DCC: variants seen among roughly 807,000 people sequenced by gnomAD.
The protein encoded by DCC is DCC netrin 1 receptor, also known as netrin receptor DCC.
DCC carries 58 observed loss-of-function variants against 172.5 expected under a neutral mutation model. The ratio of observed to expected loss-of-function variants is 0.34; its 90% CI spans 0.27 to 0.42. DCC has a LOEUF of 0.42. DCC is among the 10% of genes least tolerant of loss of function. The probability of loss-of-function intolerance (pLI) is 1.00; values close to 1 mark genes in which losing one functional copy is unlikely to be tolerated. For synonymous variants in DCC, 709 were observed against 644.5 expected, an observed-to-expected ratio of 1.10 and a Z score of -1.52; for missense variants, 1,740 against 1,791.0, an observed-to-expected ratio of 0.97 and a Z score of 0.51.
chr18:53,345,756 G>A (rs1470360936), intron 15 of DCC, among the ~76,000 whole-genome samples: 1 of 139,614 alleles, frequency 7.2e-6, no homozygotes, highest in African/African-American at 2.4e-5. Flanking sequence ...ATTCCGCATT[G>A]ACAGATTTTT....
chr18:53,247,299 C>A (rs115673613), intron 12 of DCC, among the ~76,000 whole-genome samples: 1 of 151,928 alleles, frequency 6.6e-6, no homozygotes, highest in Non-Finnish European at 1.5e-5. Flanking sequence ...AGAAATATGA[C>A]CCCCTTGAGT....
intron 7 of DCC, among the ~76,000 whole-genome samples, chr18:53,082,976 CT>C (rs2042827654): frequency 7.2e-5 from 11 of 152,012 alleles, no homozygotes; most frequent in Admixed American, 7.2e-4. Context: ...CACTGGCCCA[CT>C]TTGTTCTTCA....
At chr18:53,005,543 G>A (rs774085006) in intron 5 of DCC, among the ~76,000 whole-genome samples, 1 of 152,120 alleles carries the variant, frequency 6.6e-6, no homozygotes, top group African/African-American at 2.4e-5. Context: ...GGCCAGCCTG[G>A]CCAACATGAC....
chr18:53,487,136 A>G (rs1214653654), intron 26 of DCC, among the ~76,000 whole-genome samples, 178 bp downstream of exon 26: 1 of 152,154 alleles, frequency 6.6e-6, no homozygotes, highest in Non-Finnish European at 1.5e-5. Flanking sequence ...ATTTGTACTG[A>G]TTCCCTAGGC....
chr18:53,089,320 A>G (rs1031874049), intron 7 of DCC, among the ~76,000 whole-genome samples: 1 of 152,086 alleles, frequency 6.6e-6, no homozygotes, highest in Non-Finnish European at 1.5e-5. Context: ...TCCTGACCTC[A>G]AATGATCTTC....
chr18:52,972,123 C>T (rs1433304552), intron 5 of DCC, among the ~76,000 whole-genome samples: 1 of 152,168 alleles, frequency 6.6e-6, no homozygotes, highest in East Asian at 1.9e-4. Context: ...AAACAAATCA[C>T]CTCCACTGGT....
At chr18:52,520,560 C>T (rs956310277) in intron 1 of DCC, among the ~76,000 whole-genome samples, 1 of 152,082 alleles carries the variant, frequency 6.6e-6, no homozygotes, top group Non-Finnish European at 1.5e-5. Context: ...TGCGGGGAGG[C>T]CTTGCTTTAT....
chr18:53,100,871 G>A (rs1392897524), intron 7 of DCC, among the ~76,000 whole-genome samples: 3 of 151,932 alleles, frequency 2.0e-5, no homozygotes, highest in Non-Finnish European at 2.9e-5. Flanking sequence ...ATAGAGAGAG[G>A]GCTACCATCC....
chr18:52,949,509 G>A (rs1166344098), intron 5 of DCC, among the ~76,000 whole-genome samples: 2 of 152,150 alleles, frequency 1.3e-5, no homozygotes. Flanking sequence ...TCCATTATTT[G>A]TTCAGTTCTA....
In DCC at chr18:52,763,373, G is replaced by A. The variant is rs77591263; in HGVS notation, c.412+10999G>A. On this transcript the variant is annotated intron_variant, in intron 2 of 28. Transcript: ENST00000442544. ...AATTCATCTCCAAAGGCTGAAACAT[G>A]ACATAAAAAATAATTAGTATTTCTT... is the stretch of plus-strand genomic sequence containing the variant. 2.0e-3 allele frequency among the ~76,000 whole-genome samples: 307 copies of A among 152,288 alleles called. 1 individual carries two copies. Among genetic ancestry groups the A allele is most frequent in the African/African-American group, 7.0e-3 (292 of 41,556 alleles).
chr18:53,096,051 T>C (rs777410871), intron 7 of DCC, among the ~76,000 whole-genome samples: 20 of 152,112 alleles, frequency 1.3e-4, no homozygotes, highest in Non-Finnish European at 2.2e-4. Context: ...ATATACCTAA[T>C]GCTAAATGAC....
intron 2 of DCC, among the ~76,000 whole-genome samples, chr18:52,811,075 G>T (rs2038188833): frequency 6.6e-6 from 1 of 152,024 alleles, no homozygotes; most frequent in Admixed American, 6.5e-5. Flanking sequence ...GTGGGAAATT[G>T]AACAATTCAA....
At chr18:52,981,250 A>T (rs2041204080) in intron 5 of DCC, among the ~76,000 whole-genome samples, 1 of 152,172 alleles carries the variant, frequency 6.6e-6, no homozygotes, top group Non-Finnish European at 1.5e-5. Flanking sequence ...TTGTGGACCT[A>T]TGAGTTTATA....
At chr18:53,044,980 A>C (rs1344127611) in intron 5 of DCC, among the ~76,000 whole-genome samples, 1 of 151,878 alleles carries the variant, frequency 6.6e-6, no homozygotes, top group Non-Finnish European at 1.5e-5. Flanking sequence ...TATGTTTGAC[A>C]TATGAACAGA....
In DCC at chr18:53,323,262, C is replaced by G. The variant is rs574286965; in HGVS notation, c.2164+1105C>G. On this transcript the variant is annotated intron_variant, in intron 14 of 28. Transcript: ENST00000442544. ...ACTCCTCCATCTCATTCTCTTTCTC[C>G]TTTGTCTTCCTCTTTTTCTCTTTTT... Among the ~76,000 whole-genome samples, 40 of 152,162 alleles carry G rather than the reference C, an allele frequency of 2.6e-4. No individual in the cohort carries two copies. In the South Asian group the frequency reaches 8.3e-3, roughly 32 times the overall value.
At chr18:53,215,656 C>T in intron 12 of DCC, 59 bp downstream of exon 12, 2 of 1,342,406 alleles carry the variant, frequency 1.5e-6, no homozygotes, top group East Asian at 4.6e-5. Flanking sequence ...TCATGTATAA[C>T]CTTCACTCAC....
chr18:52,943,703 T>C (rs142772638), intron 5 of DCC, among the ~76,000 whole-genome samples: 8 of 151,404 alleles, frequency 5.3e-5, no homozygotes, highest in African/African-American at 1.5e-4. Context: ...GTTTATGTTG[T>C]AAATTGTAAT....
intron 2 of DCC, among the ~76,000 whole-genome samples, chr18:52,760,142 G>C (rs2037136009): frequency 6.6e-6 from 1 of 152,190 alleles, no homozygotes; most frequent in Non-Finnish European, 1.5e-5. Context: ...CTGCAGGGCT[G>C]GGGAAGCCTC....
chr18:52,579,324 G>T (rs1353893495), intron 1 of DCC, among the ~76,000 whole-genome samples: 5 of 152,100 alleles, frequency 3.3e-5, no homozygotes, highest in Non-Finnish European at 7.4e-5. Context: ...GGCTCCTTTG[G>T]AATATGCAAT....
Sources: allele counts gnomAD v4.1 joint callset (sites outside exome capture counted in the v4.1 genomes callset), GRCh38; gene constraint gnomAD v4.1.1; transcripts MANE v1.5; gene names NCBI Gene and HGNC (gene_info 2026-07-23, HGNC 2026-07-21).